UNC79: variants seen among roughly 807,000 people sequenced by gnomAD.
UNC79 encodes the protein unc-79 subunit of NALCN channel complex.
UNC79 carries 37 observed loss-of-function variants against 283.1 expected under a neutral mutation model. The ratio of observed to expected loss-of-function variants is 0.13; its 90% CI spans 0.10 to 0.17. The LOEUF (loss-of-function observed/expected upper bound fraction) is 0.17, where lower values mean the gene tolerates loss of function less well. Ranked by LOEUF, UNC79 falls within the 10% of genes least tolerant of loss-of-function variation. The pLI, the probability that UNC79 is intolerant of heterozygous loss-of-function variation, is 1.00. For synonymous variants in UNC79, 1,107 were observed against 1,200.2 expected (o/e 0.92, Z 1.61); for missense variants, 2,272 against 3,211.1 (o/e 0.71, Z 7.07).
At chr14:93,691,326 T>C (rs2074683556) in intron 45 of UNC79, 1 of 204,772 alleles carries the variant, frequency 4.9e-6, no homozygotes, top group African/African-American at 2.2e-5. Flanking sequence ...TATGAACTTC[T>C]GGGCGTGTAT....
chr14:93,661,947 A>G (rs555790440), intron 39 of UNC79, among the ~76,000 whole-genome samples: 1 of 152,350 alleles, frequency 6.6e-6, no homozygotes, highest in South Asian at 2.1e-4. Context: ...TAGTTATGAG[A>G]AATTTGAGTA....
chr14:93,394,474 G>A (rs984789664), intron 1 of UNC79, among the ~76,000 whole-genome samples: 4 of 150,306 alleles, frequency 2.7e-5, no homozygotes, highest in Non-Finnish European at 5.9e-5. Context: ...GCAGTGGTGC[G>A]ATCTCGGCTC....
rs184944689 is a variant in UNC79, at chr14:93,461,119, A to T, written c.23-6552A>T. Among the ~76,000 whole-genome samples, 406 of 152,334 alleles carry T rather than the reference A, an allele frequency of 2.7e-3. 1 individual carries two copies. Among genetic ancestry groups the T allele is most frequent in the African/African-American group, 9.2e-3 (384 of 41,580 alleles). On this transcript the variant is annotated intron_variant, in intron 1 of 48. Coordinates refer to ENST00000555664, the Ensembl canonical transcript of UNC79. ...TATGCAGAGAAAATTTTCTAGAAGG[A>T]TAACATGCCAAAATGTTAACTACAG...
At chr14:93,363,850 C>G (rs962920820) in intron 1 of UNC79, among the ~76,000 whole-genome samples, 1 of 152,070 alleles carries the variant, frequency 6.6e-6, no homozygotes, top group Non-Finnish European at 1.5e-5. Context: ...TCCCAAGTAG[C>G]TGGGACTACA....
intron 14 of UNC79, among the ~76,000 whole-genome samples, chr14:93,549,645 G>T (rs2061772887): frequency 6.6e-6 from 1 of 152,068 alleles, no homozygotes; most frequent in East Asian, 1.9e-4. Flanking sequence ...CTCTGAACCA[G>T]AATAGATTCA....
At chr14:93,632,376 C>T (rs945335997) in intron 31 of UNC79, among the ~76,000 whole-genome samples, 12 of 152,132 alleles carry the variant, frequency 7.9e-5, no homozygotes, top group Non-Finnish European at 1.6e-4. Flanking sequence ...AAAAGTGTAT[C>T]TTCTCCTAAT....
intron 41 of UNC79, 129 bp from the exon 45 acceptor site, chr14:93,682,488 C>A: frequency 1.4e-6 from 1 of 740,572 alleles, no homozygotes; most frequent in Non-Finnish European, 2.2e-6. Flanking sequence ...ATTAGCAAAT[C>A]TGATCTATCC....
chr14:93,472,642 A>AT (rs528576618), intron 2 of UNC79, among the ~76,000 whole-genome samples: 7 of 152,128 alleles, frequency 4.6e-5, no homozygotes, highest in Admixed American at 2.0e-4. Flanking sequence ...TTTTTCTTAC[A>AT]TTGTAACATA....
At position 93,587,047 on chromosome 14, in the gene UNC79, T is replaced by C. The variant is rs556755592; in HGVS notation, c.3032+139T>C. ...GCTCGATTGCCTATGATAACTACTTTTATTTTTCTTTTTTAGTCTAATTTA... is the reference window on the plus strand; with the variant it reads ...GCTCGATTGCCTATGATAACTACTTCTATTTTTCTTTTTTAGTCTAATTTA... On this transcript the variant is annotated intron_variant, in intron 22 of 48. Transcript: ENST00000555664. 8.5e-5 allele frequency: 86 copies of C among 1,014,810 alleles called. No individual in the cohort carries two copies. The East Asian group carries it at 2.3e-3, about 27-fold the overall frequency. The allele number at this position is 1,014,810 out of a possible 1,614,324, so 62.9% of individuals were successfully genotyped here.
intron 7 of UNC79, among the ~76,000 whole-genome samples, chr14:93,506,912 AT>A (rs1441935283): frequency 1.3e-5 from 2 of 152,096 alleles, no homozygotes; most frequent in African/African-American, 4.8e-5. Flanking sequence ...TCCAAACACC[AT>A]CCCCTTCTCT....
intron 24 of UNC79, among the ~76,000 whole-genome samples, chr14:93,599,929 T>C (rs182378624): frequency 2.7e-4 from 41 of 152,274 alleles, no homozygotes; most frequent in South Asian, 6.2e-4. Context: ...CAGCTGGGCG[T>C]GGTGGCTCGC....
intron 1 of UNC79, among the ~76,000 whole-genome samples, chr14:93,446,813 A>G (rs978480394): frequency 6.6e-6 from 1 of 152,202 alleles, no homozygotes; most frequent in Admixed American, 6.5e-5. Flanking sequence ...ATCTTTTGAC[A>G]TTTATTAAGA....
intron 14 of UNC79, among the ~76,000 whole-genome samples, chr14:93,566,805 G>T (rs2062918580): frequency 6.6e-6 from 1 of 151,846 alleles, no homozygotes; most frequent in Non-Finnish European, 1.5e-5. Context: ...GTCCAGTAGA[G>T]ATGGTATTTC....
At chr14:93,538,201 C>T (rs764408191) in exon 12 of UNC79, 2 of 1,597,136 alleles carry the variant, frequency 1.3e-6, no homozygotes, top group Non-Finnish European at 1.7e-6. Context: ...TGGTCTGCGC[C>T]GTGGAAGCCG....
chr14:93,529,902 T>C (rs1368873052), intron 10 of UNC79, among the ~76,000 whole-genome samples: 1 of 152,124 alleles, frequency 6.6e-6, no homozygotes, highest in Non-Finnish European at 1.5e-5. Flanking sequence ...AGTTGGTAGG[T>C]CCCAGACAGA....
At chr14:93,577,712 T>C in intron 17 of UNC79, 130 bp from the exon 18 acceptor site, 1 of 841,572 alleles carries the variant, frequency 1.2e-6, no homozygotes, top group Non-Finnish European at 1.9e-6. Flanking sequence ...TTGGAGGTAC[T>C]AATGCCATTG....
At position 93,698,476 on chromosome 14, in the gene UNC79, G is replaced by GTTTTTTTTTTTTTTT. The variant is rs71129655; in HGVS notation, c.7548+4077_7548+4091dup. Among the ~76,000 whole-genome samples the GTTTTTTTTTTTTTTT allele has an allele frequency of 8.9e-5, 7 of 79,096 alleles. 2 individuals carry two copies. The highest frequency in any genetic ancestry group is 1.3e-4 in the Non-Finnish European group (5 of 39,094). The allele number at this position is 79,096 out of a possible 152,430, so 51.9% of individuals were successfully genotyped here. On this transcript the variant is annotated intron_variant, in intron 47 of 48. Coordinates refer to ENST00000555664, the Ensembl canonical transcript of UNC79. ...TGGTAATATTTTTAGTTTAGTTTAG[G>GTTTTTTTTTTTTTTT]TTTTTTTTTTTTTTTTTTTTTTTTT...
chr14:93,507,086 CT>C (rs1279965134), intron 7 of UNC79, among the ~76,000 whole-genome samples: 1 of 151,854 alleles, frequency 6.6e-6, no homozygotes, highest in African/African-American at 2.4e-5. Context: ...ATTAGTAGTT[CT>C]TTTTTTTATT....
intron 1 of UNC79, among the ~76,000 whole-genome samples, chr14:93,379,852 T>C (rs1196998175): frequency 6.6e-6 from 1 of 151,956 alleles, no homozygotes; most frequent in African/African-American, 2.4e-5. Flanking sequence ...CCAAAAGCTA[T>C]TGAAATAAAA....
Sources: allele counts gnomAD v4.1 joint callset (sites outside exome capture counted in the v4.1 genomes callset), GRCh38; gene constraint gnomAD v4.1.1; transcripts MANE v1.5; gene names NCBI Gene and HGNC (gene_info 2026-07-23, HGNC 2026-07-21).